CPAMD8: variants seen among roughly 807,000 people sequenced by gnomAD.
CPAMD8 encodes C3 and PZP like alpha-2-macroglobulin domain containing 8.
CPAMD8 carries 146 observed loss-of-function variants against 224.7 expected under a neutral mutation model. The ratio of observed to expected loss-of-function variants is 0.65; its 90% CI spans 0.57 to 0.75. The LOEUF is 0.75. CPAMD8 is among the 30% of genes least tolerant of loss of function. The pLI, the probability that CPAMD8 is intolerant of heterozygous loss-of-function variation, is 0.00. For synonymous variants in CPAMD8, 966 were observed against 1,044.6 expected, an observed-to-expected ratio of 0.92 and a Z score of 1.45; for missense variants, 2,301 against 2,537.5, an observed-to-expected ratio of 0.91 and a Z score of 2.00.
chr19:16,948,230 A>G (rs941375838), intron 20 of CPAMD8, among the ~76,000 whole-genome samples: 7 of 152,236 alleles, frequency 4.6e-5, no homozygotes, highest in Admixed American at 2.6e-4. Flanking sequence ...TGATCAAGAC[A>G]TGAGTGATTG....
chr19:16,910,229 G>A (rs1283511827), intron 29 of CPAMD8, among the ~76,000 whole-genome samples: 1 of 150,972 alleles, frequency 6.6e-6, no homozygotes, highest in African/African-American at 2.4e-5. Flanking sequence ...GAGTGCAATG[G>A]CGTGATCTCA....
intron 22 of CPAMD8, among the ~76,000 whole-genome samples, chr19:16,939,393 G>A (rs916269501): frequency 2.0e-5 from 3 of 151,986 alleles, no homozygotes; most frequent in Non-Finnish European, 4.4e-5. Context: ...ATTTTTAGTG[G>A]AGATGGGATT....
chr19:16,987,998 G>C (rs1184803431), intron 13 of CPAMD8, among the ~76,000 whole-genome samples: 1 of 152,086 alleles, frequency 6.6e-6, no homozygotes, highest in Non-Finnish European at 1.5e-5. Flanking sequence ...TTTTTATAAA[G>C]TTACAACTGC....
At chr19:16,933,686 A>T (rs1379858828) in intron 23 of CPAMD8, among the ~76,000 whole-genome samples, 1 of 152,208 alleles carries the variant, frequency 6.6e-6, no homozygotes, top group African/African-American at 2.4e-5. Flanking sequence ...GACTAACAAT[A>T]CTAAATGTTG....
chr19:17,008,124 G>T (rs545886464), intron 7 of CPAMD8, among the ~76,000 whole-genome samples: 21 of 152,208 alleles, frequency 1.4e-4, no homozygotes, highest in African/African-American at 4.3e-4. Context: ...AGCTGAGATT[G>T]TGCCACTGCA....
Position 17,022,013 on chromosome 19 carries a change from G to A in CPAMD8, c.244+17C>T, listed in dbSNP as rs752448804. ...CAAAAGAAGGGGAAGTCCTGGTCTG[G>A]CACCCAAGGGACCTACCCAGGATGG... On this transcript the variant is annotated intron_variant, in intron 2 of 41. Transcript: ENST00000443236. 1.3e-6 allele frequency: 2 copies of A among 1,580,524 alleles called. No individual in the cohort carries two copies. Among genetic ancestry groups the A allele is most frequent in the East Asian group, 4.6e-5 (2 of 43,910 alleles).
chr19:17,005,277 C>G (rs923295999), intron 7 of CPAMD8, among the ~76,000 whole-genome samples: 2 of 152,174 alleles, frequency 1.3e-5, no homozygotes, highest in African/African-American at 4.8e-5. Flanking sequence ...CTGGCCTCCA[C>G]TCACCAGATG....
rs2053315707 is a variant in CPAMD8, at chr19:16,925,183, T to A, written c.3547+13A>T. ...TTGCTCCCACCTCAACCCAGGCACT[T>A]CTTCCCCAATACCTTGTACTAGGTA... On this transcript the variant is annotated intron_variant, in intron 26 of 41. Transcript: ENST00000443236. 6.2e-6 allele frequency: 10 copies of A among 1,613,330 alleles called. No homozygotes were observed. The East Asian group carries it at 2.2e-4, about 36-fold the overall frequency.
intron 21 of CPAMD8, among the ~76,000 whole-genome samples, 197 bp from the exon 22 acceptor site, chr19:16,945,876 CAT>C (rs1450731578): frequency 2.0e-5 from 3 of 152,022 alleles, no homozygotes; most frequent in African/African-American, 7.2e-5. Flanking sequence ...TGTACAGGCT[CAT>C]GTGTGCATAT....
intron 7 of CPAMD8, among the ~76,000 whole-genome samples, chr19:17,004,964 C>CAG (rs373313266): frequency 1.4e-4 from 20 of 139,924 alleles, no homozygotes; most frequent in South Asian, 4.6e-4. Flanking sequence ...GAGAGACAGA[C>CAG]AGAGAGAGAG....
chr19:16,970,681 A>C (rs928785418), intron 18 of CPAMD8, among the ~76,000 whole-genome samples: 2 of 152,112 alleles, frequency 1.3e-5, no homozygotes, highest in African/African-American at 4.8e-5. Flanking sequence ...CCATCAATGA[A>C]GCAGGAAGTG....
chr19:16,975,064 G>C (rs759010851), intron 17 of CPAMD8, 33 bp downstream of exon 17: 2 of 1,597,034 alleles, frequency 1.3e-6, no homozygotes, highest in African/African-American at 1.3e-5. Context: ...AACTTAGAAG[G>C]GGGCAGAGGG....
At position 16,975,271 on chromosome 19, in the gene CPAMD8, G is replaced by T. The variant is rs539967929; in HGVS notation, c.1909-13C>A. ...GTTCCTGGAAAACCTGCAGGCAAAG[G>T]GGGACAGAGACTTGTCAGCTGAAGT... On this transcript the variant is annotated splice_polypyrimidine_tract_variant and intron_variant, in intron 16 of 41. Transcript: ENST00000443236. The T allele has an allele frequency of 1.5e-5, 24 of 1,594,282 alleles. No individual in the cohort carries two copies. The South Asian group carries it at 2.5e-4, about 17-fold the overall frequency.
At chr19:17,020,859 A>C (rs1347019334) in intron 2 of CPAMD8, among the ~76,000 whole-genome samples, 1 of 152,172 alleles carries the variant, frequency 6.6e-6, no homozygotes, top group African/African-American at 2.4e-5. Flanking sequence ...CCCAGCAACC[A>C]TTATCCCATT....
rs762293233 is a variant in CPAMD8, at chr19:16,901,247, A to G, written c.4736T>C (p.Leu1579Pro). Residue 1579 changes from leucine to proline, a missense_variant, in exon 36 of 42, where the codon CTG (leucine) becomes CCG (proline). By Grantham distance (98) the Leu-to-Pro change is moderately conservative. Coordinates refer to ENST00000443236, the MANE Select transcript of CPAMD8 (RefSeq NM_015692.5). Reference sequence around the variant, plus strand: ...CTCGATGTCTGCCCGGAAGCCTGACAGCAGGGGCACCTCCAGGACAGCCAT... The same window carrying G: ...CTCGATGTCTGCCCGGAAGCCTGACGGCAGGGGCACCTCCAGGACAGCCAT... The part of the protein sequence containing the change: ...SNMAVLEVPL[L>P]SGFRADIESL... 6.8e-6 allele frequency: 11 copies of G among 1,612,750 alleles called. No homozygotes were observed. In the Admixed American group the frequency reaches 1.3e-4, roughly 20 times the overall value.
At chr19:16,991,681 C>A (rs12975891) in intron 12 of CPAMD8, among the ~76,000 whole-genome samples, 28,130 of 151,828 alleles carry the variant, frequency 0.19, 2,921 homozygotes, top group African/African-American at 0.28. Context: ...ATAGTGAAAC[C>A]CCATCTCTAC....
chr19:16,938,309 C>A, intron 23 of CPAMD8, 86 bp downstream of exon 23: 1 of 659,786 alleles, frequency 1.5e-6, no homozygotes. Context: ...AGCGGGACAG[C>A]CCCCACAGTG....
chr19:16,974,200 T>C (rs1188203550), intron 17 of CPAMD8, among the ~76,000 whole-genome samples: 2 of 151,188 alleles, frequency 1.3e-5, no homozygotes, highest in Admixed American at 6.6e-5. Flanking sequence ...GGCGCAATCT[T>C]GGCTCACTGC....
chr19:16,953,568 G>T (rs2054365854), intron 19 of CPAMD8, among the ~76,000 whole-genome samples: 1 of 151,466 alleles, frequency 6.6e-6, no homozygotes, highest in African/African-American at 2.4e-5. Context: ...AGGAGTGGTG[G>T]TGTGTACCTG....
Sources: allele counts gnomAD v4.1 joint callset (sites outside exome capture counted in the v4.1 genomes callset), GRCh38; gene constraint gnomAD v4.1.1; transcripts MANE v1.5; gene names NCBI Gene and HGNC (gene_info 2026-07-23, HGNC 2026-07-21).